MARCHF4: variants seen among roughly 807,000 people sequenced by gnomAD.
The protein encoded by MARCHF4 is E3 ubiquitin-protein ligase MARCHF4.
MARCHF4 carries 14 observed loss-of-function variants against 43.9 expected under a neutral mutation model. The ratio of observed to expected loss-of-function variants is 0.32; its 90% confidence interval spans 0.21 to 0.50. The LOEUF is 0.50. Among genes scored for constraint, MARCHF4 ranks in the 20% least tolerant of loss-of-function variants. MARCHF4 has a pLI of 0.98. For synonymous variants in MARCHF4, 226 were observed against 213.3 expected, an observed-to-expected ratio of 1.06 and a Z score of -0.52; for missense variants, 468 against 536.7, an observed-to-expected ratio of 0.87 and a Z score of 1.27.
At chr2:216,321,609 G>A (rs1310842677) in intron 1 of MARCHF4, 1 of 152,120 alleles carries the variant, frequency 6.6e-6, no homozygotes, top group Non-Finnish European at 1.5e-5. Context: ...AATGGAGATG[G>A]GCAATACAGG....
At chr2:216,332,341 G>A (rs964947670) in intron 1 of MARCHF4, among the ~76,000 whole-genome samples, 20 of 150,406 alleles carry the variant, frequency 1.3e-4, no homozygotes, top group Non-Finnish European at 2.5e-4. Context: ...GCAGTGCGCC[G>A]AGATTGAGCC....
intron 1 of MARCHF4, among the ~76,000 whole-genome samples, chr2:216,336,066 TA>T (rs34216672): frequency 0.052 from 3,145 of 60,558 alleles, 99 homozygotes; most frequent in African/African-American, 0.19. Context: ...AGACTCTGTC[TA>T]AAAAAAAAAA....
chr2:216,315,872 A>G (rs777751598), intron 1 of MARCHF4, among the ~76,000 whole-genome samples: 9 of 152,188 alleles, frequency 5.9e-5, no homozygotes, highest in Non-Finnish European at 1.2e-4. Context: ...GAGTCATCCC[A>G]GTCGCCTTAG....
chr2:216,299,752 A>G (rs1691457078), intron 1 of MARCHF4, among the ~76,000 whole-genome samples: 3 of 152,224 alleles, frequency 2.0e-5, no homozygotes, highest in Non-Finnish European at 4.4e-5. Context: ...ACTACTTATT[A>G]CTTTTCACAA....
chr2:216,317,759 GGTAAA>G (rs1390437936), intron 1 of MARCHF4, among the ~76,000 whole-genome samples: 2 of 152,154 alleles, frequency 1.3e-5, no homozygotes, highest in African/African-American at 4.8e-5. Context: ...TCTATAAGCG[GGTAAA>G]GTAGAGAAAG....
rs568388922 is a variant in MARCHF4 at position 216,369,935 on chromosome 2, G to A, written c.326C>T (p.Pro109Leu). Residue 109 changes from proline (P) to leucine (L), a missense_variant, in exon 1 of 4, where the codon CCC becomes CTC. Coordinates refer to ENST00000273067, the MANE Select transcript of MARCHF4 (RefSeq NM_020814.3). ...ATCTTCCACAGAAGAAGGTGGCAAG[G>A]GGGGTGGAGGTGGCACAGGAGGGGG... ...REPPPVPPPP[P>L]LPPSSVEDDW... 8 of 1,605,534 alleles carry A rather than the reference G, an allele frequency of 5.0e-6. No individual in the cohort carries two copies. The African/African-American group carries it at 1.1e-4, about 21-fold the overall frequency.
chr2:216,352,536 T>A (rs192028426), intron 1 of MARCHF4, among the ~76,000 whole-genome samples: 56 of 152,238 alleles, frequency 3.7e-4, no homozygotes, highest in African/African-American at 1.2e-3. Context: ...GTTGTTTTTT[T>A]AATAGAGACA....
At chr2:216,307,561 T>C (rs1357863701) in intron 1 of MARCHF4, among the ~76,000 whole-genome samples, 1 of 152,082 alleles carries the variant, frequency 6.6e-6, no homozygotes, top group East Asian at 1.9e-4. Flanking sequence ...ACTGGAATCT[T>C]TTCTCCAAAG....
chr2:216,316,091 C>A (rs1454191782), intron 1 of MARCHF4, among the ~76,000 whole-genome samples: 2 of 152,240 alleles, frequency 1.3e-5, no homozygotes, highest in Non-Finnish European at 2.9e-5. Context: ...GAAACAAAGC[C>A]CTTTGCTGCT....
intron 3 of MARCHF4, among the ~76,000 whole-genome samples, chr2:216,269,032 TA>T (rs201279975): frequency 4.6e-5 from 7 of 150,922 alleles, no homozygotes; most frequent in South Asian, 2.1e-4. Flanking sequence ...AGAGGAAGCT[TA>T]AAAAAAAACA....
At chr2:216,314,691 T>C (rs1161329617) in intron 1 of MARCHF4, among the ~76,000 whole-genome samples, 2 of 152,012 alleles carry the variant, frequency 1.3e-5, no homozygotes, top group East Asian at 3.9e-4. Flanking sequence ...AAGACCAGGG[T>C]TAGGGAAACC....
chr2:216,331,728 T>G lies in MARCHF4; in HGVS notation c.516+38017A>C, dbSNP rs185911178. Among the ~76,000 whole-genome samples the G allele has an allele frequency of 6.5e-4, 99 of 152,128 alleles. 2 individuals are homozygous for G. The Middle Eastern group carries it at 0.017, about 26-fold the overall frequency. ...CCCTAAACAAAATAACTGAGAAAAA[T>G]CAATATGGTCATCTAAATAAATGAG... On this transcript the variant is annotated intron_variant, in intron 1 of 3. Coordinates refer to ENST00000273067, the MANE Select transcript of MARCHF4 (RefSeq NM_020814.3).
intron 3 of MARCHF4, among the ~76,000 whole-genome samples, chr2:216,266,667 G>T (rs1343882184): frequency 1.3e-5 from 2 of 152,126 alleles, no homozygotes; most frequent in South Asian, 4.1e-4. Flanking sequence ...TCACTCTGAA[G>T]CCCTACCATT....
intron 3 of MARCHF4, chr2:216,265,408 G>A (rs183534192): frequency 8.5e-5 from 13 of 152,326 alleles, no homozygotes; most frequent in South Asian, 2.1e-4. Context: ...CAAGCTCCAC[G>A]GGTCATCAGA....
Position 216,369,849 on chromosome 2 carries a change from C to A in MARCHF4, c.412G>T (p.Asp138Tyr). Residue 138 changes from aspartate to tyrosine, a missense_variant, in exon 1 of 4, where the codon GAC becomes TAC. Asp to Tyr is a radical substitution (Grantham distance 160, BLOSUM62 -3). Around this residue, in one of 3 missense-constraint regions of MARCHF4, gnomAD observed 158 missense variants for 251.1 expected, o/e 0.63. Transcript: ENST00000273067. ...ASLLSSASSD[D>Y]FCKEKTEDRY... The stretch of plus-strand genomic sequence containing the variant: ...TCCTCGGTCTTCTCCTTACAGAAGT[C>A]ATCTGAGGAGGCACTGCTGAGCAGC... 1 of 1,614,076 alleles carries A rather than the reference C, an allele frequency of 6.2e-7. No individual in the cohort carries two copies. Among genetic ancestry groups the A allele is most frequent in the Non-Finnish European group, 8.5e-7 (1 of 1,180,030 alleles).
chr2:216,262,356 C>T (rs1690754655), intron 3 of MARCHF4, among the ~76,000 whole-genome samples: 1 of 152,148 alleles, frequency 6.6e-6, no homozygotes, highest in South Asian at 2.1e-4. Context: ...AAGAAGAAAC[C>T]TGGGCTTAAT....
chr2:216,267,969 A>T (rs1365101839), intron 3 of MARCHF4, among the ~76,000 whole-genome samples: 1 of 152,212 alleles, frequency 6.6e-6, no homozygotes, highest in Non-Finnish European at 1.5e-5. Flanking sequence ...TGGCCGTCAC[A>T]GGAGGCCCCG....
At chr2:216,363,529 C>T (rs1238843757) in intron 1 of MARCHF4, among the ~76,000 whole-genome samples, 1 of 152,208 alleles carries the variant, frequency 6.6e-6, no homozygotes, top group African/African-American at 2.4e-5. Context: ...AGAATTAGAG[C>T]TTTGGTAAGA....
At chr2:216,293,547 C>A (rs1691345354) in intron 1 of MARCHF4, among the ~76,000 whole-genome samples, 2 of 148,648 alleles carry the variant, frequency 1.3e-5, no homozygotes, top group African/African-American at 2.5e-5. Context: ...TATTTTCCAG[C>A]CTTTCTGCTC....
Sources: gnomAD v4.1 joint callset for allele counts (sites outside exome capture counted in the v4.1 genomes callset) on GRCh38, gnomAD v4.1.1 for gene constraint, gnomAD v4.1.1 regional missense constraint, MANE v1.5 for transcripts, NCBI Gene and HGNC (gene_info 2026-07-23, HGNC 2026-07-21) for gene names.